The following DNAJB6 variants were observed in gnomAD, a reference collection of about 807,000 sequenced individuals.
DNAJB6 encodes dnaJ homolog subfamily B member 6.
A neutral mutation model predicts 42.7 loss-of-function variants in DNAJB6; 16 were observed. The observed-to-expected ratio is 0.37, with a 90% confidence interval of 0.25 to 0.57. The LOEUF is 0.57. Among genes scored for constraint, DNAJB6 ranks in the 20% least tolerant of loss-of-function variants. The pLI is 0.74. For synonymous variants in DNAJB6, 170 were observed against 163.5 expected, an observed-to-expected ratio of 1.04 and a Z score of -0.30; for missense variants, 347 against 416.8, an observed-to-expected ratio of 0.83 and a Z score of 1.46.
At chr7:157,363,039 A>C in intron 2 of DNAJB6, 122 bp from the exon 3 acceptor site, 1 of 606,454 alleles carries the variant, frequency 1.6e-6, no homozygotes, top group Non-Finnish European at 2.9e-6. Flanking sequence ...TACAGTTAAA[A>C]CCAGTATTCA....
intron 8 of DNAJB6, among the ~76,000 whole-genome samples, 171 bp from the exon 9 acceptor site, chr7:157,409,624 G>A (rs1286522132): frequency 6.6e-6 from 1 of 152,266 alleles, no homozygotes; most frequent in East Asian, 1.9e-4. Context: ...GGAGGATTAA[G>A]TTCTGGCCCC....
At chr7:157,371,458 C>T (rs1315965564) in intron 5 of DNAJB6, among the ~76,000 whole-genome samples, 5 of 152,256 alleles carry the variant, frequency 3.3e-5, no homozygotes, top group Admixed American at 3.3e-4. Flanking sequence ...CCAGGCAGTG[C>T]TCACTGTCAC....
intron 8 of DNAJB6, among the ~76,000 whole-genome samples, chr7:157,388,902 T>C (rs997779733): frequency 1.3e-5 from 2 of 152,218 alleles, no homozygotes; most frequent in African/African-American, 4.8e-5. Context: ...AAATTTAAGC[T>C]TTTTAGATTC....
chr7:157,390,076 G>A (rs916895803), intron 8 of DNAJB6, among the ~76,000 whole-genome samples: 33 of 152,196 alleles, frequency 2.2e-4, no homozygotes, highest in African/African-American at 8.0e-4. Flanking sequence ...GCTGTGTCCT[G>A]GCAGGTGTGC....
intron 1 of DNAJB6, among the ~76,000 whole-genome samples, chr7:157,352,918 C>T (rs758898261): frequency 3.9e-5 from 6 of 152,014 alleles, no homozygotes; most frequent in Non-Finnish European, 5.9e-5. Context: ...TACTGCTTCC[C>T]TGTACAGGGA....
At chr7:157,355,058 C>T (rs909958950) in intron 1 of DNAJB6, among the ~76,000 whole-genome samples, 1 of 152,144 alleles carries the variant, frequency 6.6e-6, no homozygotes, top group Non-Finnish European at 1.5e-5. Context: ...GGACTCATTG[C>T]TAAGTAAATT....
At chr7:157,402,724 CAA>C (rs946160856) in intron 8 of DNAJB6, among the ~76,000 whole-genome samples, 1 of 152,322 alleles carries the variant, frequency 6.6e-6, no homozygotes, top group Admixed American at 6.5e-5. Context: ...CAATTTAAAA[CAA>C]ATAAGGAATA....
chr7:157,390,555 A>C (rs1490751438), intron 8 of DNAJB6, among the ~76,000 whole-genome samples: 1 of 152,166 alleles, frequency 6.6e-6, no homozygotes, highest in East Asian at 1.9e-4. Flanking sequence ...TTTCTGAAGG[A>C]GGCTTTGGTG....
intron 1 of DNAJB6, among the ~76,000 whole-genome samples, chr7:157,348,842 G>T (rs1445263827): frequency 5.3e-5 from 8 of 151,974 alleles, no homozygotes; most frequent in Admixed American, 2.6e-4. Flanking sequence ...AACTTGCTGC[G>T]TCCCACATGG....
chr7:157,387,309 C>A (rs1402158226), intron 8 of DNAJB6, among the ~76,000 whole-genome samples: 1 of 152,204 alleles, frequency 6.6e-6, no homozygotes, highest in African/African-American at 2.4e-5. Flanking sequence ...AATAACCCAG[C>A]ACGCGGCACT....
intron 4 of DNAJB6, 28 bp downstream of exon 4, chr7:157,366,589 A>G: frequency 3.7e-6 from 6 of 1,604,988 alleles, no homozygotes; most frequent in Non-Finnish European, 5.1e-6. Context: ...TTCTTTGAAG[A>G]CAAAAGGTCT....
In DNAJB6 at chr7:157,416,341, T is replaced by C. The variant is rs971860158; in HGVS notation, c.*243T>C. On this transcript the variant is annotated 3_prime_UTR_variant, in exon 10 of 10. Coordinates refer to ENST00000262177, the MANE Select transcript of DNAJB6 (RefSeq NM_058246.4). ...CTCTCTGCTTCTCTCCAGCTCTCAATCTGCTGCATTTTCCTCTAGTGCTTC... is the reference window on the plus strand; with the variant it reads ...CTCTCTGCTTCTCTCCAGCTCTCAACCTGCTGCATTTTCCTCTAGTGCTTC... 35 of 529,284 alleles carry C rather than the reference T, an allele frequency of 6.6e-5. No individual in the cohort carries two copies. The highest frequency in any genetic ancestry group is 1.0e-4 in the Non-Finnish European group (30 of 299,172). The allele number at this position is 529,284 out of a possible 1,614,324, so 32.8% of individuals were successfully genotyped here. A position where few individuals can be genotyped will look rare whatever the true frequency, so the allele number is the denominator to read the frequency against.
At chr7:157,402,933 T>C (rs969150873) in intron 8 of DNAJB6, among the ~76,000 whole-genome samples, 28 of 152,160 alleles carry the variant, frequency 1.8e-4, no homozygotes, top group Admixed American at 1.7e-3. Context: ...TGAGACCGTC[T>C]CAGTCAGTGT....
At chr7:157,410,462 C>A in intron 9 of DNAJB6, 1 of 231,754 alleles carries the variant, frequency 4.3e-6, no homozygotes. Context: ...CCCCTCAAGT[C>A]AAGCCTCCTT....
intron 1 of DNAJB6, among the ~76,000 whole-genome samples, chr7:157,352,588 T>C (rs1409841120): frequency 2.0e-5 from 3 of 152,106 alleles, no homozygotes; most frequent in African/African-American, 7.2e-5. Context: ...CTGACTGTGC[T>C]CAGGCGGCTG....
chr7:157,348,989 C>T (rs1798833264), intron 1 of DNAJB6, among the ~76,000 whole-genome samples: 2 of 152,198 alleles, frequency 1.3e-5, no homozygotes, highest in Admixed American at 1.3e-4. Flanking sequence ...TTTTTCCTTT[C>T]CTCATGGTCT....
Position 157,358,693 on chromosome 7 carries a change from A to G in DNAJB6, c.65+56A>G, listed in dbSNP as rs146097965. On this transcript the variant is annotated intron_variant, in intron 2 of 9. Coordinates refer to ENST00000262177, the MANE Select transcript of DNAJB6 (RefSeq NM_058246.4). ...TTTCACAGTGGTACATTGGTAATTG[A>G]GTAGTATAACTTCTTCTATTGCCTA... The G allele has an allele frequency of 8.1e-5, 113 of 1,387,218 alleles. 1 individual carries two copies. In the African/African-American group the frequency reaches 1.4e-3, roughly 18 times the overall value. 85.9% of individuals were successfully genotyped at this position (1,387,218 alleles called of 1,614,324 possible).
In DNAJB6 at chr7:157,405,973, G is replaced by T. The variant is rs538173236; in HGVS notation, c.692-3822G>T. The stretch of plus-strand genomic sequence containing the variant: ...AACCTTGGAGGTGATGGCTTCGCCT[G>T]GCAGTGAGGTGAACAGAGCCTCCAG... On this transcript the variant is annotated intron_variant, in intron 8 of 9. Coordinates refer to ENST00000262177, the MANE Select transcript of DNAJB6 (RefSeq NM_058246.4). 3.9e-5 allele frequency among the ~76,000 whole-genome samples: 6 copies of T among 152,374 alleles called. 1 individual carries two copies. In the South Asian group the frequency reaches 1.2e-3, roughly 32 times the overall value.
At chr7:157,374,094 C>T (rs1384524839) in intron 5 of DNAJB6, among the ~76,000 whole-genome samples, 2 of 151,500 alleles carry the variant, frequency 1.3e-5, no homozygotes, top group South Asian at 2.1e-4. Context: ...TTGGAACCAT[C>T]CTTGTGTGTA....
Sources: gnomAD v4.1 joint callset for allele counts (sites outside exome capture counted in the v4.1 genomes callset) on GRCh38, gnomAD v4.1.1 for gene constraint, MANE v1.5 for transcripts, NCBI Gene and HGNC (gene_info 2026-07-23, HGNC 2026-07-21) for gene names.